ANAPC7: variants seen among roughly 807,000 people sequenced by gnomAD.
The protein encoded by ANAPC7 is anaphase promoting complex subunit 7, also known as anaphase-promoting complex subunit 7.
A neutral mutation model predicts 63.3 loss-of-function variants in ANAPC7; 25 were observed. That is an observed-to-expected ratio of 0.39 (90% CI 0.29 to 0.55). ANAPC7 has a LOEUF of 0.55. Among genes scored for constraint, ANAPC7 ranks in the 20% least tolerant of loss-of-function variants. ANAPC7 has a pLI of 0.57. For missense variants in ANAPC7, 516 were observed against 691.7 expected, an observed-to-expected ratio of 0.75 and a Z score of 2.85; for synonymous variants, 241 against 251.7, an observed-to-expected ratio of 0.96 and a Z score of 0.40.
chr12:110,400,698 T>G (rs1186268788), intron 1 of ANAPC7, among the ~76,000 whole-genome samples: 1 of 152,000 alleles, frequency 6.6e-6, no homozygotes. Context: ...CCAGGGCTCC[T>G]GTCAACATGA....
At chr12:110,385,528 T>TA (rs1882375331) in intron 6 of ANAPC7, among the ~76,000 whole-genome samples, 1 of 152,204 alleles carries the variant, frequency 6.6e-6, no homozygotes, top group African/African-American at 2.4e-5. Context: ...CTAGTATTTC[T>TA]AAAACATCAT....
Position 110,381,912 on chromosome 12 carries a change from G to A in ANAPC7, c.972C>T (p.Ala324=), listed in dbSNP as rs1485094723. The A allele has an allele frequency of 3.1e-6, 5 of 1,601,888 alleles. No individual in the cohort carries two copies. Among genetic ancestry groups the A allele is most frequent in the Non-Finnish European group, 4.3e-6 (5 of 1,175,280 alleles). ...HSFYSKRYSR[A]LYLGAKAIQL... ...GAATGGCCTTGGCTCCTAAATAGAG[G>A]GCCCGGGAGTAGCGTTTGCTATAGA... The change falls in exon 8 of 11, where the codon GCC becomes GCT. Residue 324 remains alanine, a synonymous_variant. Coordinates refer to ENST00000455511, the MANE Select transcript of ANAPC7 (RefSeq NM_016238.3).
intron 1 of ANAPC7, among the ~76,000 whole-genome samples, chr12:110,399,861 C>A (rs1430589495): frequency 6.6e-6 from 1 of 151,050 alleles, no homozygotes; most frequent in Admixed American, 6.6e-5. Context: ...TTTGGGAGGC[C>A]AAGGAGGGAG....
At chr12:110,388,678 T>A in intron 3 of ANAPC7, 55 bp from the exon 4 acceptor site, 1 of 1,330,188 alleles carries the variant, frequency 7.5e-7, no homozygotes, top group Non-Finnish European at 1.1e-6. Context: ...AAAGAAAATC[T>A]CTCACCATGA....
Position 110,373,883 on chromosome 12 carries a change from C to T in ANAPC7, c.*261G>A. The T allele has an allele frequency of 2.6e-6, 1 of 390,566 alleles. No individual in the cohort carries two copies. The highest frequency in any genetic ancestry group is 4.5e-6 in the Non-Finnish European group (1 of 221,826). 24.2% of individuals were successfully genotyped at this position (390,566 alleles called of 1,614,324 possible). Reference sequence around the variant, plus strand: ...TAAAAAGTACTCTTGGCCCAGAAGCCCCAACATGTGCGTGGGTCTCGGGGC... The same window carrying T: ...TAAAAAGTACTCTTGGCCCAGAAGCTCCAACATGTGCGTGGGTCTCGGGGC... On this transcript the variant is annotated 3_prime_UTR_variant, in exon 11 of 11. Coordinates refer to ENST00000455511, the MANE Select transcript of ANAPC7 (RefSeq NM_016238.3).
intron 1 of ANAPC7, among the ~76,000 whole-genome samples, chr12:110,400,720 G>A (rs917763119): frequency 6.6e-6 from 1 of 151,938 alleles, no homozygotes; most frequent in African/African-American, 2.4e-5. Flanking sequence ...GTGGATGGTG[G>A]CAAAATGTGG....
intron 4 of ANAPC7, 56 bp from the exon 5 acceptor site, chr12:110,387,948 T>C: frequency 6.3e-7 from 1 of 1,587,694 alleles, no homozygotes; most frequent in South Asian, 1.1e-5. Context: ...CTCTTCCACA[T>C]GCAAGGAGCA....
chr12:110,401,540 G>A (rs1397927353), intron 1 of ANAPC7, among the ~76,000 whole-genome samples: 2 of 152,132 alleles, frequency 1.3e-5, no homozygotes, highest in African/African-American at 2.4e-5. Context: ...GAGGACCGTC[G>A]CAGGAGGAAC....
intron 3 of ANAPC7, among the ~76,000 whole-genome samples, chr12:110,390,878 T>C (rs1883028199): frequency 6.6e-6 from 1 of 152,130 alleles, no homozygotes; most frequent in Non-Finnish European, 1.5e-5. Flanking sequence ...AGAATGAGTT[T>C]TGAGTAATAC....
intron 7 of ANAPC7, among the ~76,000 whole-genome samples, chr12:110,382,457 A>ATATATAT (rs1251192302): frequency 2.2e-3 from 140 of 65,052 alleles, no homozygotes; most frequent in Admixed American, 8.5e-3. Context: ...AAAAAAAAAA[A>ATATATAT]AAAAATATAT....
At chr12:110,382,452 AAAAAAAAAAATATATATATAT>A (rs1457727223) in intron 7 of ANAPC7, among the ~76,000 whole-genome samples, 6 of 97,992 alleles carry the variant, frequency 6.1e-5, no homozygotes, top group African/African-American at 2.1e-4. Context: ...AAAAAAAAAA[AAAAAAAAAAATATATATATAT>A]ATATATATAT....
At chr12:110,394,402 G>A (rs1293764353) in intron 3 of ANAPC7, among the ~76,000 whole-genome samples, 30 of 151,670 alleles carry the variant, frequency 2.0e-4, no homozygotes, top group African/African-American at 6.5e-4. Flanking sequence ...CGAGGTGGGC[G>A]GATCACCTGA....
At position 110,403,654 on chromosome 12, in the gene ANAPC7, GC is replaced by G. The variant is rs774880509; in HGVS notation, c.-28del. 2.5e-6 allele frequency: 4 copies of G among 1,573,348 alleles called. No homozygotes were observed. Among genetic ancestry groups the G allele is most frequent in the Non-Finnish European group, 3.5e-6 (4 of 1,158,838 alleles). The stretch of plus-strand genomic sequence containing the variant: ...CTGCTCTGCAAAGCCGCGGGCAGCG[GC>G]GGCAGCACTGACTCGAAAAGCCGGT... On this transcript the variant is annotated 5_prime_UTR_variant, in exon 1 of 11. Transcript: ENST00000455511.
In ANAPC7 at chr12:110,377,607, T is replaced by C. The variant is rs1881406235; in HGVS notation, c.1143A>G (p.Glu381=). 2 of 1,614,032 alleles carry C rather than the reference T, an allele frequency of 1.2e-6. No homozygotes were observed. The highest frequency in any genetic ancestry group is 2.7e-5 in the African/African-American group (2 of 74,918). ...CRLDCYEGLI[E]CYLASNSIRE... The stretch of plus-strand genomic sequence containing the variant: ...GAATACTGTTGGAGGCTAAGTAACA[T>C]TCGATAAGACCTGAAAAAAGTAAAA... The change falls in exon 9 of 11, where the codon GAA becomes GAG. Residue 381 remains glutamate, a synonymous_variant. Coordinates refer to ENST00000455511, the MANE Select transcript of ANAPC7 (RefSeq NM_016238.3).
chr12:110,383,007 C>T (rs912037711), intron 6 of ANAPC7, 47 bp from the exon 7 acceptor site: 3 of 1,481,394 alleles, frequency 2.0e-6, no homozygotes, highest in African/African-American at 2.8e-5. Flanking sequence ...AGAAGAGAAG[C>T]AGGGGTCCCA....
In ANAPC7 at chr12:110,381,857, G is replaced by T. The variant is rs759966133; in HGVS notation, c.1027C>A (p.Leu343Ile). The T allele has an allele frequency of 1.2e-6, 2 of 1,611,926 alleles. No individual in the cohort carries two copies. Among genetic ancestry groups the T allele is most frequent in the Non-Finnish European group, 1.7e-6 (2 of 1,179,426 alleles). ...QLNSNSVQAL[L>I]LKGAALRNMG... ...TTCCTAAGTGCTGCTCCCTTAAGTA[G>T]CAGAGCTTGAACACTATTACTGTTC... Residue 343 changes from leucine to isoleucine, a missense_variant, in exon 8 of 11, where the codon CTA (leucine) becomes ATA (isoleucine). Transcript: ENST00000455511.
At chr12:110,388,406 G>T in intron 4 of ANAPC7, 106 bp downstream of exon 4, 1 of 786,556 alleles carries the variant, frequency 1.3e-6, no homozygotes, top group Non-Finnish European at 2.1e-6. Context: ...ACTCTCTTCA[G>T]GGGAACTTTT....
intron 1 of ANAPC7, among the ~76,000 whole-genome samples, chr12:110,400,059 C>G (rs1043616439): frequency 4.6e-5 from 7 of 152,190 alleles, no homozygotes; most frequent in African/African-American, 1.4e-4. Flanking sequence ...CCACTGCACT[C>G]CAGCCCTGGC....
At chr12:110,376,967 A>T (rs922330380) in intron 9 of ANAPC7, among the ~76,000 whole-genome samples, 10 of 151,708 alleles carry the variant, frequency 6.6e-5, no homozygotes, top group African/African-American at 9.7e-5. Context: ...CTATAAAAAA[A>T]AATAATAAAA....
Sources: gnomAD v4.1 joint callset for allele counts (sites outside exome capture counted in the v4.1 genomes callset) on GRCh38, gnomAD v4.1.1 for gene constraint, MANE v1.5 for transcripts, NCBI Gene and HGNC (gene_info 2026-07-23, HGNC 2026-07-21) for gene names.